CCNI: variants seen among roughly 807,000 people sequenced by gnomAD.
CCNI encodes cyclin I.
In CCNI, 14 loss-of-function variants were observed where a neutral mutation model predicts 34.1. That is an observed-to-expected ratio of 0.41 (90% CI 0.27 to 0.64). CCNI has a LOEUF of 0.64. Ranked by LOEUF, CCNI falls within the 30% of genes least tolerant of loss-of-function variation. The pLI is 0.31. For missense variants in CCNI, 385 were observed against 440.5 expected (o/e 0.87, Z 1.13); for synonymous variants, 154 against 158.4 (o/e 0.97, Z 0.21).
At chr4:77,068,277 T>C (rs541504490) in intron 1 of CCNI, among the ~76,000 whole-genome samples, 1 of 152,268 alleles carries the variant, frequency 6.6e-6, no homozygotes, top group East Asian at 1.9e-4. Flanking sequence ...GAAAAAAGAA[T>C]TTAAGAAAGT....
chr4:77,070,848 A>T (rs1578257702), intron 1 of CCNI, among the ~76,000 whole-genome samples: 1 of 152,232 alleles, frequency 6.6e-6, no homozygotes, highest in South Asian at 2.1e-4. Flanking sequence ...GAAAATCTTT[A>T]TATAAAAGAA....
At chr4:77,058,722 G>T in intron 2 of CCNI, 87 bp from the exon 3 acceptor site, 7 of 1,059,682 alleles carry the variant, frequency 6.6e-6, no homozygotes, top group Non-Finnish European at 9.7e-6. Flanking sequence ...AAAAGGTTAG[G>T]TAATACTACA....
chr4:77,059,779 C>G (rs1728481480), intron 2 of CCNI, among the ~76,000 whole-genome samples: 1 of 152,056 alleles, frequency 6.6e-6, no homozygotes, highest in South Asian at 2.1e-4. Flanking sequence ...GACTAAGGAT[C>G]CATAAAAATC....
intron 6 of CCNI, among the ~76,000 whole-genome samples, chr4:77,050,734 G>T (rs1488978463): frequency 1.3e-5 from 2 of 151,910 alleles, no homozygotes; most frequent in African/African-American, 4.8e-5. Context: ...TTTAGGCTAG[G>T]TCTTATTATA....
intron 6 of CCNI, among the ~76,000 whole-genome samples, chr4:77,050,762 A>T (rs1265530047): frequency 1.3e-5 from 2 of 152,150 alleles, no homozygotes; most frequent in Admixed American, 1.3e-4. Flanking sequence ...GGGATGTAGA[A>T]CAAGCTGAAA....
At chr4:77,066,449 T>C in intron 1 of CCNI, 44 bp from the exon 2 acceptor site, 3 of 1,451,950 alleles carry the variant, frequency 2.1e-6, no homozygotes. Context: ...AGAATAAGTG[T>C]AGCATTATAT....
At position 77,056,332 on chromosome 4, in the gene CCNI, T is replaced by C; in HGVS notation, c.244-9A>G. 6.2e-7 allele frequency: 1 copy of C among 1,606,240 alleles called. No homozygotes were observed. The highest frequency in any genetic ancestry group is 8.5e-7 in the Non-Finnish European group (1 of 1,174,640). ...AAGTATTTTGGATGAGCCTAAAATT[T>C]TGAAGAGGGAAAAAGCAACTTTAGT... On this transcript the variant is annotated splice_polypyrimidine_tract_variant and intron_variant, in intron 3 of 6. Transcript: ENST00000237654.
chr4:77,060,813 T>C (rs1216960786), intron 2 of CCNI, among the ~76,000 whole-genome samples: 1 of 152,028 alleles, frequency 6.6e-6, no homozygotes, highest in Non-Finnish European at 1.5e-5. Context: ...TTAGTAGAGA[T>C]GGGGTTTCGC....
intron 3 of CCNI, among the ~76,000 whole-genome samples, chr4:77,057,539 T>C (rs1307819502): frequency 1.3e-5 from 2 of 152,240 alleles, no homozygotes; most frequent in Non-Finnish European, 2.9e-5. Context: ...CCAGTTTACA[T>C]ATTCTTTTGC....
At chr4:77,073,268 C>G (rs1340527055) in intron 1 of CCNI, among the ~76,000 whole-genome samples, 1 of 152,164 alleles carries the variant, frequency 6.6e-6, no homozygotes, top group East Asian at 1.9e-4. Flanking sequence ...CCACGGTTAT[C>G]AAATAGCTTA....
At chr4:77,072,611 T>C (rs1729562342) in intron 1 of CCNI, among the ~76,000 whole-genome samples, 1 of 137,264 alleles carries the variant, frequency 7.3e-6, no homozygotes, top group South Asian at 2.4e-4. Flanking sequence ...CACTCCAGCC[T>C]GGGTAACAAA....
intron 2 of CCNI, among the ~76,000 whole-genome samples, chr4:77,063,344 TAAAAAAAAAAA>T (rs745761323): frequency 1.4e-4 from 11 of 77,272 alleles, no homozygotes; most frequent in African/African-American, 4.5e-4. Context: ...GAAAGGGAGG[TAAAAAAAAAAA>T]AAAAAAAAAA....
At chr4:77,067,838 G>C (rs1299770089) in intron 1 of CCNI, among the ~76,000 whole-genome samples, 1 of 145,270 alleles carries the variant, frequency 6.9e-6, no homozygotes, top group African/African-American at 2.5e-5. Flanking sequence ...CTACAGACTT[G>C]AGGTTTGACT....
intron 2 of CCNI, among the ~76,000 whole-genome samples, chr4:77,061,817 C>T (rs575867147): frequency 6.6e-5 from 10 of 152,218 alleles, no homozygotes; most frequent in African/African-American, 1.9e-4. Context: ...CTACAGGCAC[C>T]CGCCACCACA....
In CCNI at chr4:77,048,148, CCTGATTTTG is replaced by C; in HGVS notation, c.*62_*70del. 2.5e-6 allele frequency: 3 copies of C among 1,182,788 alleles called. 1 individual carries two copies. In the South Asian group the frequency reaches 4.2e-5, roughly 17 times the overall value. The allele number at this position is 1,182,788 out of a possible 1,614,324, so 73.3% of individuals were successfully genotyped here. A position where few individuals can be genotyped will look rare whatever the true frequency, so the allele number is the denominator to read the frequency against. ...AGGTATATTTCCTTCTACAGCCTTT[CCTGATTTTG>C]CATGTTCTCATTCCCAAAGTAGTCT... is the stretch of plus-strand genomic sequence containing the variant. On this transcript the variant is annotated 3_prime_UTR_variant, in exon 7 of 7. Transcript: ENST00000237654.
At chr4:77,057,271 G>A (rs573497440) in intron 3 of CCNI, among the ~76,000 whole-genome samples, 3 of 152,288 alleles carry the variant, frequency 2.0e-5, no homozygotes, top group East Asian at 3.9e-4. Context: ...AAAATTATTA[G>A]TGAACACATT....
At chr4:77,065,738 A>C (rs752944873) in intron 2 of CCNI, among the ~76,000 whole-genome samples, 6 of 152,262 alleles carry the variant, frequency 3.9e-5, no homozygotes, top group Admixed American at 3.9e-4. Flanking sequence ...ACAACAAAAC[A>C]GGTCAACAAA....
At chr4:77,053,950 T>A (rs1387544008) in intron 6 of CCNI, among the ~76,000 whole-genome samples, 1 of 152,092 alleles carries the variant, frequency 6.6e-6, no homozygotes, top group Non-Finnish European at 1.5e-5. Context: ...AATTAAGATA[T>A]CCCTTCAAAA....
intron 6 of CCNI, 38 bp from the exon 7 acceptor site, chr4:77,048,700 CATTA>C (rs1727623782): frequency 2.8e-6 from 4 of 1,437,656 alleles, no homozygotes; most frequent in South Asian, 1.4e-5. Context: ...CACAGTTGAT[CATTA>C]ATTAACATAG....
Sources: gnomAD v4.1 joint callset for allele counts (sites outside exome capture counted in the v4.1 genomes callset) on GRCh38, gnomAD v4.1.1 for gene constraint, MANE v1.5 for transcripts, NCBI Gene and HGNC (gene_info 2026-07-23, HGNC 2026-07-21) for gene names.